Variants in SPOCK1 observed in about 807,000 individuals in gnomAD.
The protein encoded by SPOCK1 is SPARC (osteonectin), cwcv and kazal like domains proteoglycan 1, also known as testican-1.
A neutral mutation model predicts 55.3 loss-of-function variants in SPOCK1; 23 were observed. The ratio of observed to expected loss-of-function variants is 0.42; its 90% CI spans 0.30 to 0.59. The LOEUF is 0.59. SPOCK1 is among the 20% of genes least tolerant of loss of function. The pLI is 0.22. For missense variants in SPOCK1, 499 were observed against 552.5 expected (o/e 0.90, Z 0.97); for synonymous variants, 226 against 221.0 (o/e 1.02, Z -0.20).
intron 2 of SPOCK1, among the ~76,000 whole-genome samples, chr5:137,472,552 AAC>A (rs1269654450): frequency 6.6e-6 from 1 of 152,202 alleles, no homozygotes; most frequent in Non-Finnish European, 1.5e-5. Context: ...GTAATTTGGC[AAC>A]ATTCATTAAC....
intron 2 of SPOCK1, among the ~76,000 whole-genome samples, chr5:137,278,642 A>G (rs964362969): frequency 3.3e-5 from 5 of 152,128 alleles, no homozygotes; most frequent in African/African-American, 9.7e-5. Context: ...CTGTTACCCA[A>G]CAGGCACTGA....
chr5:137,060,562 T>C (rs1384957034), intron 6 of SPOCK1, among the ~76,000 whole-genome samples: 2 of 152,074 alleles, frequency 1.3e-5, no homozygotes, highest in African/African-American at 4.8e-5. Flanking sequence ...AATTTATCTA[T>C]AGAACCAACC....
intron 3 of SPOCK1, among the ~76,000 whole-genome samples, chr5:137,222,159 A>G (rs1580814479): frequency 6.6e-6 from 1 of 152,236 alleles, no homozygotes; most frequent in East Asian, 1.9e-4. Flanking sequence ...AAGCAGCTGC[A>G]GAGTATCAAG....
intron 2 of SPOCK1, among the ~76,000 whole-genome samples, chr5:137,391,147 C>A (rs1035920488): frequency 6.6e-6 from 1 of 152,090 alleles, no homozygotes; most frequent in Non-Finnish European, 1.5e-5. Flanking sequence ...CGAGAACACG[C>A]AGTGTCTGGT....
chr5:137,419,317 GT>G (rs1752430413), intron 2 of SPOCK1, among the ~76,000 whole-genome samples: 1 of 152,064 alleles, frequency 6.6e-6, no homozygotes, highest in African/African-American at 2.4e-5. Context: ...CTTTAAAGTA[GT>G]TTTTTCCAAT....
At chr5:137,304,861 C>T (rs1437463053) in intron 2 of SPOCK1, among the ~76,000 whole-genome samples, 1 of 152,170 alleles carries the variant, frequency 6.6e-6, no homozygotes, top group Non-Finnish European at 1.5e-5. Context: ...GCTGTGACTG[C>T]ACCTACTTTG....
intron 2 of SPOCK1, among the ~76,000 whole-genome samples, chr5:137,332,542 C>T (rs1211089132): frequency 2.0e-5 from 3 of 152,318 alleles, no homozygotes; most frequent in East Asian, 1.9e-4. Flanking sequence ...ATTACCACAG[C>T]GACTGGCTGG....
chr5:137,259,330 T>C (rs1341635951), intron 3 of SPOCK1, among the ~76,000 whole-genome samples: 1 of 152,204 alleles, frequency 6.6e-6, no homozygotes, highest in South Asian at 2.1e-4. Context: ...TGAGTTCATG[T>C]CCTTTGCAGG....
intron 3 of SPOCK1, among the ~76,000 whole-genome samples, chr5:137,230,022 A>C (rs1253469357): frequency 6.6e-6 from 1 of 152,208 alleles, no homozygotes; most frequent in East Asian, 1.9e-4. Flanking sequence ...AAGGAAAGGC[A>C]ATGCAAGACT....
chr5:137,114,146 G>C (rs1753529843), intron 4 of SPOCK1, among the ~76,000 whole-genome samples: 1 of 152,164 alleles, frequency 6.6e-6, no homozygotes, highest in Non-Finnish European at 1.5e-5. Context: ...CCTAGGCTGG[G>C]CAGGCCACAG....
At chr5:137,038,649 T>A (rs756668021) in intron 6 of SPOCK1, among the ~76,000 whole-genome samples, 9 of 152,200 alleles carry the variant, frequency 5.9e-5, no homozygotes, top group Non-Finnish European at 1.3e-4. Context: ...TTACTTTTTA[T>A]AGAAATATAT....
At chr5:137,383,718 C>A (rs1044331290) in intron 2 of SPOCK1, among the ~76,000 whole-genome samples, 1 of 152,232 alleles carries the variant, frequency 6.6e-6, no homozygotes, top group Admixed American at 6.5e-5. Context: ...CAGTTAACTG[C>A]GAGGTCCCTG....
intron 3 of SPOCK1, among the ~76,000 whole-genome samples, chr5:137,203,331 T>C (rs1755460192): frequency 1.3e-5 from 2 of 151,542 alleles, no homozygotes; most frequent in South Asian, 2.1e-4. Flanking sequence ...GCACCTGATA[T>C]GAGATCTTCA....
At position 137,448,757 on chromosome 5, in the gene SPOCK1, G is replaced by C. The variant is rs548337561; in HGVS notation, c.186+49616C>G. On this transcript the variant is annotated intron_variant, in intron 2 of 10. Coordinates refer to ENST00000394945, the MANE Select transcript of SPOCK1 (RefSeq NM_004598.4). ...TGATGATTTCAAACTCCAAACATCA[G>C]GTTCTCCGTTGTTTCATCTTTCTCA... 5.9e-5 allele frequency among the ~76,000 whole-genome samples: 9 copies of C among 152,248 alleles called. No individual in the cohort carries two copies. The South Asian group carries it at 1.9e-3, about 32-fold the overall frequency.
At chr5:137,174,532 C>T (rs540213938) in intron 3 of SPOCK1, among the ~76,000 whole-genome samples, 3 of 152,364 alleles carry the variant, frequency 2.0e-5, no homozygotes, top group Admixed American at 2.0e-4. Flanking sequence ...TTGCAGTCAG[C>T]GGTCCTGACA....
At chr5:137,000,526 G>A (rs1224326355) in intron 6 of SPOCK1, among the ~76,000 whole-genome samples, 1 of 152,084 alleles carries the variant, frequency 6.6e-6, no homozygotes, top group Non-Finnish European at 1.5e-5. Flanking sequence ...TGTCCCTCCT[G>A]TCATTCAATA....
intron 3 of SPOCK1, among the ~76,000 whole-genome samples, chr5:137,235,954 A>G (rs1375399213): frequency 1.3e-5 from 2 of 152,194 alleles, no homozygotes; most frequent in Non-Finnish European, 2.9e-5. Context: ...CTATGCTAAC[A>G]TTTTGCAAGT....
chr5:137,254,473 T>C (rs1329340633), intron 3 of SPOCK1, among the ~76,000 whole-genome samples: 1 of 152,218 alleles, frequency 6.6e-6, no homozygotes, highest in Non-Finnish European at 1.5e-5. Flanking sequence ...ATCATTCTGT[T>C]AGTTGCTGAG....
rs115377500 is a variant in SPOCK1, at chr5:137,091,609, A to C, written c.474+20826T>G. The stretch of plus-strand genomic sequence containing the variant: ...CTCCCCTTGGCTCTCAGGCTCTCAG[A>C]GCCTCCCACAGCTTCAGCAGTTCAA... On this transcript the variant is annotated intron_variant, in intron 5 of 10. Transcript: ENST00000394945. Among the ~76,000 whole-genome samples the C allele has an allele frequency of 3.6e-3, 542 of 152,312 alleles. 4 individuals carry two copies. The highest frequency in any genetic ancestry group is 0.012 in the African/African-American group (500 of 41,566).
Sources: gnomAD v4.1 joint callset for allele counts (sites outside exome capture counted in the v4.1 genomes callset) on GRCh38, gnomAD v4.1.1 for gene constraint, MANE v1.5 for transcripts, NCBI Gene and HGNC (gene_info 2026-07-23, HGNC 2026-07-21) for gene names.